The following ZNF438 variants were observed in gnomAD, a reference collection of about 807,000 sequenced individuals.
ZNF438 encodes zinc finger protein 438.
ZNF438 carries 25 observed loss-of-function variants against 38.0 expected under a neutral mutation model. The observed-to-expected ratio is 0.66, with a 90% CI of 0.48 to 0.92. The LOEUF is 0.92. Among genes scored for constraint, ZNF438 ranks in the 40% least tolerant of loss-of-function variants. ZNF438 has a pLI of 0.00. For missense variants in ZNF438, 1,007 were observed against 999.6 expected (o/e 1.01, Z -0.10); for synonymous variants, 372 against 364.1 (o/e 1.02, Z -0.25).
rs568913653 is a variant in ZNF438 at position 30,869,130 on chromosome 10, T to G, written c.37+7868A>C. Among the ~76,000 whole-genome samples, 24 of 152,348 alleles carry G rather than the reference T, an allele frequency of 1.6e-4. No homozygotes were observed. In the South Asian group the frequency reaches 4.8e-3, roughly 30 times the overall value. On this transcript the variant is annotated intron_variant, in intron 4 of 5. Transcript: ENST00000413025. ...GCTCACGCCTGTAATCCCAGCACTT[T>G]GGGAGGCCAAGGCAGGCAGATCACC...
rs147777285 is a variant in ZNF438, at chr10:30,870,381, TC to T, written c.37+6616del. ...ATGTCCTGCCTTCTTCTTTCAGCTCTCATACTGTAAACACGCATCCTTTTTA... is the reference window on the plus strand; with the variant it reads ...ATGTCCTGCCTTCTTCTTTCAGCTCTATACTGTAAACACGCATCCTTTTTA... On this transcript the variant is annotated intron_variant, in intron 4 of 5. Coordinates refer to ENST00000413025, the Ensembl canonical transcript of ZNF438. 3.9e-3 allele frequency among the ~76,000 whole-genome samples: 587 copies of T among 152,094 alleles called. 7 individuals are homozygous for T. The highest frequency in any genetic ancestry group is 0.013 in the African/African-American group (551 of 41,468).
chr10:30,928,777 C>G (rs1255436175), intron 2 of ZNF438, among the ~76,000 whole-genome samples: 3 of 152,106 alleles, frequency 2.0e-5, no homozygotes, highest in African/African-American at 7.2e-5. Flanking sequence ...GAGAACAAAC[C>G]CCTCATCTCG....
chr10:30,953,859 A>G (rs1372650251), intron 1 of ZNF438, among the ~76,000 whole-genome samples: 3 of 152,178 alleles, frequency 2.0e-5, no homozygotes, highest in African/African-American at 7.2e-5. Context: ...AAAAGACAAA[A>G]TAGGCCGGGC....
intron 1 of ZNF438, among the ~76,000 whole-genome samples, chr10:30,994,583 C>T (rs780369419): frequency 6.6e-6 from 1 of 152,192 alleles, no homozygotes; most frequent in Non-Finnish European, 1.5e-5. Context: ...TCACCAGAGG[C>T]TCGCACCATG....
intron 2 of ZNF438, among the ~76,000 whole-genome samples, chr10:30,927,875 C>CA (rs10650449): frequency 0.096 from 14,463 of 151,376 alleles, 729 homozygotes; most frequent in Non-Finnish European, 0.11. Flanking sequence ...CTCACTGAGC[C>CA]AAAAAAAAGT....
Position 31,019,114 on chromosome 10 carries a change from A to G in ZNF438, c.-192+12719T>C, listed in dbSNP as rs183158131. On this transcript the variant is annotated intron_variant, in intron 1 of 5. Transcript: ENST00000413025. ...GAGCAGAATTAGCAGTCTTTGCCAC[A>G]CTCTCATACAATCTATTCTCCATAG... 6.1e-3 allele frequency among the ~76,000 whole-genome samples: 926 copies of G among 152,242 alleles called. 4 individuals are homozygous for G. Among genetic ancestry groups the G allele is most frequent in the Non-Finnish European group, 9.2e-3 (629 of 68,016 alleles).
chr10:30,929,493 T>C (rs1426104861), intron 2 of ZNF438, among the ~76,000 whole-genome samples: 2 of 152,202 alleles, frequency 1.3e-5, no homozygotes, highest in African/African-American at 2.4e-5. Flanking sequence ...TCGCGGTGAT[T>C]GTTACAGCTC....
rs536456700 is a variant in ZNF438, at chr10:30,866,366, C to G, written c.37+10632G>C. Among the ~76,000 whole-genome samples, 17 of 152,262 alleles carry G rather than the reference C, an allele frequency of 1.1e-4. No homozygotes were observed. In the East Asian group the frequency reaches 3.1e-3, roughly 28 times the overall value. ...AACATATTAAGACTTGGGTATCTGGCAGACATTTTCTCAAAAGTGAATGAA... is the reference window on the plus strand; with the variant it reads ...AACATATTAAGACTTGGGTATCTGGGAGACATTTTCTCAAAAGTGAATGAA... On this transcript the variant is annotated intron_variant, in intron 4 of 5. Transcript: ENST00000413025.
intron 3 of ZNF438, among the ~76,000 whole-genome samples, chr10:30,886,421 T>G (rs914090876): frequency 6.6e-6 from 1 of 152,190 alleles, no homozygotes; most frequent in Non-Finnish European, 1.5e-5. Flanking sequence ...ATGTACCCAT[T>G]TACAGATGCC....
intron 1 of ZNF438, among the ~76,000 whole-genome samples, chr10:31,009,995 C>A (rs1211959197): frequency 1.3e-5 from 2 of 151,920 alleles, no homozygotes; most frequent in Non-Finnish European, 2.9e-5. Context: ...ATTACAGGTG[C>A]CTGCCATGAC....
At chr10:30,895,875 G>A (rs950626205) in intron 3 of ZNF438, among the ~76,000 whole-genome samples, 1 of 152,128 alleles carries the variant, frequency 6.6e-6, no homozygotes, top group African/African-American at 2.4e-5. Context: ...AGGATATGGA[G>A]GAATTGAAAC....
chr10:30,911,906 C>T (rs1392913870), intron 2 of ZNF438, among the ~76,000 whole-genome samples: 1 of 152,116 alleles, frequency 6.6e-6, no homozygotes, highest in Non-Finnish European at 1.5e-5. Flanking sequence ...GGTGCCCCTC[C>T]TCCTTCCAAA....
In ZNF438 at chr10:30,857,404, G is replaced by A. The variant is rs1234306793; in HGVS notation, c.38-7037C>T. On this transcript the variant is annotated intron_variant, in intron 4 of 5. Coordinates refer to ENST00000413025, the Ensembl canonical transcript of ZNF438. Reference sequence around the variant, plus strand: ...CGAGTAGCTGGGATCACAGGCATGTGCCACCATGCCCAGCTAATTTTTCTA... The same window carrying A: ...CGAGTAGCTGGGATCACAGGCATGTACCACCATGCCCAGCTAATTTTTCTA... Among the ~76,000 whole-genome samples, 4 of 152,084 alleles carry A rather than the reference G, an allele frequency of 2.6e-5. No homozygotes were observed. The East Asian group carries it at 7.7e-4, about 29-fold the overall frequency.
At chr10:30,950,277 A>AT (rs1206659960) in intron 1 of ZNF438, among the ~76,000 whole-genome samples, 4 of 152,182 alleles carry the variant, frequency 2.6e-5, no homozygotes, top group Non-Finnish European at 4.4e-5. Flanking sequence ...ATAGCACTAA[A>AT]TGCCCACAAG....
chr10:30,983,546 C>T (rs1277639309), intron 1 of ZNF438, among the ~76,000 whole-genome samples: 1 of 152,092 alleles, frequency 6.6e-6, no homozygotes, highest in Non-Finnish European at 1.5e-5. Flanking sequence ...CCATCAGGCC[C>T]CTCCTCCAAC....
At chr10:30,887,794 C>T (rs7089375) in intron 3 of ZNF438, among the ~76,000 whole-genome samples, 65,071 of 151,942 alleles carry the variant, frequency 0.43, 14,418 homozygotes, top group Non-Finnish European at 0.47. Flanking sequence ...TATATAATAT[C>T]ATCTCAAAAG....
intron 1 of ZNF438, among the ~76,000 whole-genome samples, chr10:30,958,029 C>T (rs970382006): frequency 6.8e-6 from 1 of 146,730 alleles, no homozygotes; most frequent in South Asian, 2.2e-4. Flanking sequence ...TAGTGTGATG[C>T]CTCCAGCTTT....
chr10:30,892,548 G>A (rs2134049714), intron 3 of ZNF438, among the ~76,000 whole-genome samples: 1 of 150,464 alleles, frequency 6.6e-6, no homozygotes, highest in African/African-American at 2.4e-5. Context: ...TTAACATTCT[G>A]TTTGTATATT....
intron 2 of ZNF438, among the ~76,000 whole-genome samples, chr10:30,925,187 C>G (rs2044769317): frequency 6.6e-6 from 1 of 151,928 alleles, no homozygotes; most frequent in Non-Finnish European, 1.5e-5. Flanking sequence ...AGTTGTCCCC[C>G]ACCCCTCACC....
Sources: allele counts gnomAD v4.1 joint callset (sites outside exome capture counted in the v4.1 genomes callset), GRCh38; gene constraint gnomAD v4.1.1; transcripts MANE v1.5; gene names NCBI Gene and HGNC (gene_info 2026-07-23, HGNC 2026-07-21).